The following TULP3 variants were observed in gnomAD, a reference collection of about 807,000 sequenced individuals.
TULP3 encodes the protein TUB like protein 3.
A neutral mutation model predicts 50.7 loss-of-function variants in TULP3; 38 were observed. That is an observed-to-expected ratio of 0.75 (90% CI 0.58 to 0.98). The LOEUF (loss-of-function observed/expected upper bound fraction) is 0.98. Among genes scored for constraint, TULP3 ranks in the 50% least tolerant of loss-of-function variants. The pLI is 0.00. For missense variants in TULP3, 550 were observed against 568.0 expected, an observed-to-expected ratio of 0.97 and a Z score of 0.32; for synonymous variants, 183 against 196.6, an observed-to-expected ratio of 0.93 and a Z score of 0.58.
chr12:2,899,343 C>G (rs2098177453), intron 1 of TULP3, among the ~76,000 whole-genome samples: 1 of 43,512 alleles, frequency 2.3e-5, no homozygotes, highest in African/African-American at 1.5e-4. Context: ...GAAACGACGT[C>G]TCAAAAAAAA....
Position 2,934,500 on chromosome 12 carries a change from T to G in TULP3, c.863T>G (p.Met288Arg). ...FTVYDRGICP[M>R]KGRGLVGAAH... is the part of the protein sequence containing the mutation. ...GTTTATGACCGTGGCATCTGCCCCATGAAGGGCCGGGGTTTGGTAGGAGCG... is the reference window on the plus strand; with the variant it reads ...GTTTATGACCGTGGCATCTGCCCCAGGAAGGGCCGGGGTTTGGTAGGAGCG... Residue 288 changes from methionine (M) to arginine (R), a missense_variant, in exon 8 of 11, where the codon ATG becomes AGG. Physicochemically the swap from Met to Arg is moderately conservative, Grantham distance 91 (BLOSUM62 -1). Coordinates refer to ENST00000448120, the MANE Select transcript of TULP3 (RefSeq NM_003324.5). 6.2e-7 allele frequency: 1 copy of G among 1,605,164 alleles called. No homozygotes were observed. The highest frequency in any genetic ancestry group is 8.5e-7 in the Non-Finnish European group (1 of 1,176,212).
intron 6 of TULP3, 100 bp downstream of exon 6, chr12:2,931,340 A>C: frequency 9.0e-7 from 1 of 1,116,716 alleles, no homozygotes; most frequent in East Asian, 2.5e-5. Flanking sequence ...GTATTAGACC[A>C]AGCCAGCTGG....
intron 1 of TULP3, among the ~76,000 whole-genome samples, chr12:2,896,359 A>G (rs536967724): frequency 3.3e-5 from 5 of 152,300 alleles, no homozygotes; most frequent in African/African-American, 1.2e-4. Flanking sequence ...ACTGGCTTGG[A>G]AGTTCTACCT....
intron 1 of TULP3, among the ~76,000 whole-genome samples, chr12:2,907,792 A>G (rs1034986033): frequency 7.2e-5 from 11 of 152,188 alleles, no homozygotes; most frequent in African/African-American, 2.4e-4. Flanking sequence ...ACATGACTGC[A>G]GATAAAAAAC....
chr12:2,936,004 C>T (rs374323073), intron 8 of TULP3, among the ~76,000 whole-genome samples: 65 of 152,092 alleles, frequency 4.3e-4, no homozygotes, highest in African/African-American at 1.4e-3. Flanking sequence ...TGGTGGCTCA[C>T]GCCTGTAATC....
chr12:2,920,827 C>CAG lies in TULP3; in HGVS notation c.160_161dup (p.Ala55LysfsTer19). 6.2e-7 allele frequency: 1 copy of CAG among 1,614,118 alleles called. No individual in the cohort carries two copies. The highest frequency in any genetic ancestry group is 8.5e-7 in the Non-Finnish European group (1 of 1,180,022). On this transcript the variant is annotated frameshift_variant, in exon 3 of 11. Transcript: ENST00000448120. LOFTEE classifies it high-confidence loss of function. ...GAGCCATTTATGGTGCAGCCCAATC[C>CAG]AGAAGCCAGGCTACGTCGGGCAAAG...
intron 4 of TULP3, among the ~76,000 whole-genome samples, chr12:2,929,514 G>A (rs2098196657): frequency 6.6e-6 from 1 of 152,096 alleles, no homozygotes; most frequent in African/African-American, 2.4e-5. Flanking sequence ...TCTCAAACTG[G>A]TGGCCTCAAG....
In TULP3 at chr12:2,920,804, G is replaced by T. The variant is rs761973948; in HGVS notation, c.135G>T (p.Glu45Asp). The change falls in exon 3 of 11, where the codon GAG becomes GAT. Residue 45 changes from glutamate (E) to aspartate (D), a missense_variant. By Grantham distance (45) the Glu-to-Asp change is conservative. Coordinates refer to ENST00000448120, the MANE Select transcript of TULP3 (RefSeq NM_003324.5). ...AGAGGCAAAGGAAAAAGCGCCTTGAGCCATTTATGGTGCAGCCCAATCCAG... is the reference window on the plus strand; with the variant it reads ...AGAGGCAAAGGAAAAAGCGCCTTGATCCATTTATGGTGCAGCCCAATCCAG... ...LEKRQRKKRL[E>D]PFMVQPNPEA... is the part of the protein sequence containing the mutation. 130 of 1,614,022 alleles carry T rather than the reference G, an allele frequency of 8.1e-5. No individual in the cohort carries two copies. The highest frequency in any genetic ancestry group is 1.0e-4 in the Non-Finnish European group (123 of 1,180,030).
intron 2 of TULP3, among the ~76,000 whole-genome samples, chr12:2,912,461 G>C (rs1252497784): frequency 6.6e-6 from 1 of 152,186 alleles, no homozygotes; most frequent in Admixed American, 6.5e-5. Flanking sequence ...CATCCTAGCA[G>C]TTACCCTCAA....
intron 2 of TULP3, among the ~76,000 whole-genome samples, chr12:2,917,361 A>G (rs374281924): frequency 5.9e-4 from 90 of 152,024 alleles, no homozygotes; most frequent in Middle Eastern, 6.8e-3. Flanking sequence ...AATCCCCGCT[A>G]CTCGGGAGGC....
In TULP3 at chr12:2,939,171, C is replaced by T. The variant is rs927738700; in HGVS notation, c.1196-140C>T. On this transcript the variant is annotated intron_variant, in intron 10 of 10. Transcript: ENST00000448120. This position sits in a 1 kb window ranked among gnomAD's most constrained non-coding sequence, Gnocchi z 4.0. ...AGCCTGGGACGGGAGGTCAAGGCTGCAGTGAGCTGTGGTCATTCCACTAGG... is the reference window on the plus strand; with the variant it reads ...AGCCTGGGACGGGAGGTCAAGGCTGTAGTGAGCTGTGGTCATTCCACTAGG... 5 of 901,942 alleles carry T rather than the reference C, an allele frequency of 5.5e-6. No individual in the cohort carries two copies. Among genetic ancestry groups the T allele is most frequent in the Non-Finnish European group, 8.4e-6 (5 of 595,094 alleles). The allele number at this position is 901,942 out of a possible 1,614,324, so 55.9% of individuals were successfully genotyped here.
intron 2 of TULP3, among the ~76,000 whole-genome samples, chr12:2,911,352 G>A (rs1565500399): frequency 6.6e-6 from 1 of 151,388 alleles, no homozygotes; most frequent in African/African-American, 2.4e-5. Flanking sequence ...GAGATAGTCA[G>A]TGAATTTTTT....
chr12:2,922,202 A>T (rs778866246), intron 3 of TULP3, 60 bp from the exon 4 acceptor site: 60 of 1,569,014 alleles, frequency 3.8e-5, no homozygotes, highest in Non-Finnish European at 5.0e-5. Flanking sequence ...TGCCAAATCT[A>T]CCCAACTAGT....
intron 1 of TULP3, among the ~76,000 whole-genome samples, chr12:2,892,005 G>C (rs2098172406): frequency 6.6e-6 from 1 of 152,022 alleles, no homozygotes; most frequent in African/African-American, 2.4e-5. Flanking sequence ...AGGATTCCTT[G>C]AGCCCAGGAG....
intron 1 of TULP3, among the ~76,000 whole-genome samples, chr12:2,892,785 C>A (rs2098172941): frequency 2.0e-5 from 3 of 152,138 alleles, no homozygotes; most frequent in Non-Finnish European, 2.9e-5. Context: ...GCTGGGATTA[C>A]AGGCGTGAGC....
At chr12:2,904,727 G>A (rs1471186726) in intron 1 of TULP3, among the ~76,000 whole-genome samples, 1 of 151,870 alleles carries the variant, frequency 6.6e-6, no homozygotes, top group African/African-American at 2.4e-5. Flanking sequence ...AATTCTTTCT[G>A]TTTTGTGTTG....
chr12:2,916,411 G>T (rs10673911), intron 2 of TULP3, among the ~76,000 whole-genome samples: 1 of 151,748 alleles, frequency 6.6e-6, no homozygotes, highest in Non-Finnish European at 1.5e-5. Context: ...ATTTTAGCAG[G>T]ATAGTAAGAC....
intron 4 of TULP3, among the ~76,000 whole-genome samples, chr12:2,927,877 C>G (rs1361003956): frequency 6.6e-6 from 1 of 152,112 alleles, no homozygotes; most frequent in Non-Finnish European, 1.5e-5. Flanking sequence ...CCCGCAGATA[C>G]TAGACACAAG....
chr12:2,899,148 C>A (rs1738716791), intron 1 of TULP3, among the ~76,000 whole-genome samples: 1 of 151,550 alleles, frequency 6.6e-6, no homozygotes, highest in African/African-American at 2.4e-5. Context: ...GAGTTAGAGA[C>A]CAGCCTGACC....
Sources: gnomAD v4.1 joint callset for allele counts (sites outside exome capture counted in the v4.1 genomes callset) on GRCh38, gnomAD v4.1.1 for gene constraint, Gnocchi (gnomAD v3.1) non-coding constraint, MANE v1.5 for transcripts, NCBI Gene and HGNC (gene_info 2026-07-23, HGNC 2026-07-21) for gene names.